The following BCAT1 variants were observed in gnomAD, a reference collection of about 807,000 sequenced individuals.
The protein encoded by BCAT1 is branched-chain-amino-acid aminotransferase, cytosolic.
A neutral mutation model predicts 52.4 loss-of-function variants in BCAT1; 48 were observed. The observed-to-expected ratio is 0.92, with a 90% CI of 0.73 to 1.16. The LOEUF is 1.16. Ranked by LOEUF, BCAT1 falls within the 50% of genes most tolerant of loss-of-function variation. BCAT1 has a pLI of 0.00. For missense variants in BCAT1, 451 were observed against 457.1 expected, an observed-to-expected ratio of 0.99 and a Z score of 0.12; for synonymous variants, 167 against 161.3, an observed-to-expected ratio of 1.04 and a Z score of -0.27.
chr12:24,839,952 C>A (rs1941127005), intron 7 of BCAT1, among the ~76,000 whole-genome samples: 1 of 151,958 alleles, frequency 6.6e-6, no homozygotes, highest in Non-Finnish European at 1.5e-5. Context: ...TTTCCTTTCT[C>A]CTTATTCTGA....
intron 9 of BCAT1, chr12:24,830,410 G>A (rs1247508135): frequency 6.6e-6 from 1 of 152,194 alleles, no homozygotes; most frequent in Non-Finnish European, 1.5e-5. Flanking sequence ...TCTGGCCCAA[G>A]GTAAACTTCC....
chr12:24,942,394 CA>C (rs1483679172), intron 1 of BCAT1, among the ~76,000 whole-genome samples: 1 of 151,844 alleles, frequency 6.6e-6, no homozygotes, highest in Admixed American at 6.6e-5. Context: ...TACAAAAATA[CA>C]AAGCCAAGCG....
upstream of BCAT1, chr12:24,949,139 G>T (rs1270002913): frequency 5.1e-6 from 3 of 589,690 alleles, no homozygotes; most frequent in East Asian, 5.7e-5. Context: ...GCGACCTAGC[G>T]GATTGCATCA....
intron 1 of BCAT1, among the ~76,000 whole-genome samples, chr12:24,927,882 T>C (rs1411087004): frequency 6.6e-6 from 1 of 152,216 alleles, no homozygotes; most frequent in Non-Finnish European, 1.5e-5. Context: ...CTTTCAAAAA[T>C]CTACCATCCC....
rs151013645 is a variant in BCAT1, at chr12:24,943,713, G to A, written c.6+5214C>T. On this transcript the variant is annotated intron_variant, in intron 1 of 10. Transcript: ENST00000261192. ...GTTAAAGTAGTTTGAGGCCGGGAGC[G>A]GTGGCTCACGCCTGTAATCCCAGCA... Among the ~76,000 whole-genome samples the A allele has an allele frequency of 5.1e-3, 780 of 152,062 alleles. 11 individuals carry two copies. The highest frequency in any genetic ancestry group is 0.017 in the African/African-American group (713 of 41,470).
intron 1 of BCAT1, among the ~76,000 whole-genome samples, chr12:24,935,118 T>A (rs1277295124): frequency 6.6e-6 from 1 of 152,196 alleles, no homozygotes; most frequent in Non-Finnish European, 1.5e-5. Flanking sequence ...TAGTGATTCT[T>A]CCACAGACCA....
intron 3 of BCAT1, among the ~76,000 whole-genome samples, chr12:24,888,927 T>C (rs1942760908): frequency 6.6e-6 from 1 of 152,178 alleles, no homozygotes; most frequent in Admixed American, 6.5e-5. Context: ...CAGCCACCTG[T>C]ACAGTAAGGA....
rs569816527 is a variant in BCAT1, at chr12:24,933,374, T to C, written c.6+15553A>G. Among the ~76,000 whole-genome samples, 135 of 152,190 alleles carry C rather than the reference T, an allele frequency of 8.9e-4. 1 individual carries two copies. The highest frequency in any genetic ancestry group is 3.1e-3 in the African/African-American group (128 of 41,506). On this transcript the variant is annotated intron_variant, in intron 1 of 10. Coordinates refer to ENST00000261192, the MANE Select transcript of BCAT1 (RefSeq NM_005504.7). The stretch of plus-strand genomic sequence containing the variant: ...GAGGCACAGTTTAATAACTTGCTGG[T>C]GGTCACTCAATAGCAAAGCTGGGGC...
At chr12:24,903,094 G>A in intron 1 of BCAT1, 1 of 1,367,858 alleles carries the variant, frequency 7.3e-7, no homozygotes, top group Non-Finnish European at 9.4e-7. Flanking sequence ...ACGGCCCATA[G>A]GGCGCTGGGT....
At chr12:24,912,983 G>A (rs558668856) in intron 1 of BCAT1, among the ~76,000 whole-genome samples, 1 of 152,176 alleles carries the variant, frequency 6.6e-6, no homozygotes, top group South Asian at 2.1e-4. Context: ...AAGATATAAG[G>A]GAAACTGTCC....
At chr12:24,902,128 A>G in intron 1 of BCAT1, 2 of 1,449,456 alleles carry the variant, frequency 1.4e-6, no homozygotes, top group Non-Finnish European at 1.8e-6. Flanking sequence ...CCGCCGGCTC[A>G]GGGAAGACTG....
chr12:24,850,025 A>G, intron 5 of BCAT1, 76 bp from the exon 6 acceptor site: 1 of 1,305,900 alleles, frequency 7.7e-7, no homozygotes, highest in Non-Finnish European at 1.0e-6. Flanking sequence ...ATAGATTTAT[A>G]TCTGTCTCCC....
At chr12:24,843,800 G>T (rs549847256) in intron 6 of BCAT1, among the ~76,000 whole-genome samples, 1 of 152,250 alleles carries the variant, frequency 6.6e-6, no homozygotes, top group Non-Finnish European at 1.5e-5. Context: ...CTGAGTTAAA[G>T]GGTGGGCATA....
chr12:24,924,138 G>A (rs772854181), intron 1 of BCAT1, among the ~76,000 whole-genome samples: 1 of 152,002 alleles, frequency 6.6e-6, no homozygotes, highest in Non-Finnish European at 1.5e-5. Context: ...CTTTTCTAGA[G>A]TGAGAAGACC....
At chr12:24,897,467 G>A (rs149106940) in intron 2 of BCAT1, among the ~76,000 whole-genome samples, 74 of 152,108 alleles carry the variant, frequency 4.9e-4, no homozygotes, top group Admixed American at 1.7e-3. Flanking sequence ...ACATTCTTTC[G>A]TAAGACACAT....
At chr12:24,912,387 G>C (rs915463106) in intron 1 of BCAT1, among the ~76,000 whole-genome samples, 2 of 152,110 alleles carry the variant, frequency 1.3e-5, no homozygotes, top group Non-Finnish European at 2.9e-5. Flanking sequence ...GGGCGTAGTG[G>C]TGGGCACCTG....
At chr12:24,931,778 TA>T (rs1300636275) in intron 1 of BCAT1, among the ~76,000 whole-genome samples, 2 of 152,088 alleles carry the variant, frequency 1.3e-5, no homozygotes, top group African/African-American at 4.8e-5. Flanking sequence ...TAAAAACAAC[TA>T]GAGCATACGT....
chr12:24,922,871 CA>C (rs112388852), intron 1 of BCAT1, among the ~76,000 whole-genome samples: 3,084 of 106,908 alleles, frequency 0.029, 33 homozygotes, highest in South Asian at 0.042. Context: ...CTCTGTCTCT[CA>C]AAAAAAAAAA....
At chr12:24,942,543 C>CA (rs60144964) in intron 1 of BCAT1, among the ~76,000 whole-genome samples, 9,303 of 90,730 alleles carry the variant, frequency 0.1, 759 homozygotes, top group African/African-American at 0.27. Flanking sequence ...GACTCCGCCT[C>CA]AAAAAAAAAA....
Sources: allele counts gnomAD v4.1 joint callset (sites outside exome capture counted in the v4.1 genomes callset), GRCh38; gene constraint gnomAD v4.1.1; transcripts MANE v1.5; gene names NCBI Gene and HGNC (gene_info 2026-07-23, HGNC 2026-07-21).